Variants in PTPRD observed in about 807,000 individuals in gnomAD.
PTPRD encodes protein tyrosine phosphatase receptor type D.
In PTPRD, 34 loss-of-function variants were observed where a neutral mutation model predicts 214.5. The observed-to-expected ratio is 0.16, with a 90% CI of 0.12 to 0.21. The LOEUF is 0.21. PTPRD is among the 10% of genes least tolerant of loss of function. The pLI is 1.00. For synonymous variants in PTPRD, 1,128 were observed against 845.7 expected, an observed-to-expected ratio of 1.33 and a Z score of -5.79; for missense variants, 2,545 against 2,398.7, an observed-to-expected ratio of 1.06 and a Z score of -1.27.
intron 10 of PTPRD, among the ~76,000 whole-genome samples, chr9:9,129,998 A>C (rs1297890402): frequency 6.6e-6 from 1 of 152,176 alleles, no homozygotes; most frequent in Non-Finnish European, 1.5e-5. Context: ...TATATTAAGC[A>C]CTTAAGAGTG....
chr9:9,288,918 T>C (rs1950316907), intron 9 of PTPRD, among the ~76,000 whole-genome samples: 1 of 151,890 alleles, frequency 6.6e-6, no homozygotes, highest in African/African-American at 2.4e-5. Flanking sequence ...TGCCACTATG[T>C]GAAGAAGCAC....
chr9:9,412,525 C>T (rs1381681683), intron 8 of PTPRD, among the ~76,000 whole-genome samples: 2 of 152,062 alleles, frequency 1.3e-5, no homozygotes, highest in African/African-American at 4.8e-5. Context: ...CTCCCTTTCA[C>T]ATTTCCTACA....
intron 10 of PTPRD, among the ~76,000 whole-genome samples, chr9:9,068,330 A>G (rs1220873604): frequency 6.6e-6 from 1 of 152,200 alleles, no homozygotes; most frequent in Non-Finnish European, 1.5e-5. Flanking sequence ...GGTCTGTGTT[A>G]ACATAGGTTT....
intron 11 of PTPRD, among the ~76,000 whole-genome samples, chr9:8,778,273 T>C (rs79777636): frequency 0.038 from 5,820 of 152,292 alleles, 201 homozygotes; most frequent in African/African-American, 0.088. Flanking sequence ...ATAAAGATTA[T>C]TCCCTTCTTA....
intron 5 of PTPRD, among the ~76,000 whole-genome samples, chr9:9,889,417 G>T (rs111735241): frequency 0.029 from 4,390 of 152,036 alleles, 181 homozygotes; most frequent in African/African-American, 0.095. Context: ...AAATTTAAAA[G>T]TATTTAAATA....
intron 4 of PTPRD, among the ~76,000 whole-genome samples, chr9:10,015,673 T>C (rs1412213000): frequency 1.3e-5 from 2 of 152,038 alleles, no homozygotes; most frequent in African/African-American, 4.8e-5. Flanking sequence ...TTCTGATATA[T>C]TACTAAAAGA....
At chr9:9,421,285 A>G (rs889782915) in intron 8 of PTPRD, among the ~76,000 whole-genome samples, 8 of 5,904 alleles carry the variant, frequency 1.4e-3, no homozygotes, top group African/African-American at 5.4e-3. Context: ...GTCTTTGTGA[A>G]AAAAAAAAAA....
At chr9:10,567,584 G>C (rs905028161) in intron 2 of PTPRD, among the ~76,000 whole-genome samples, 14 of 152,100 alleles carry the variant, frequency 9.2e-5, no homozygotes, top group African/African-American at 3.1e-4. Flanking sequence ...TGATATCCAT[G>C]AGTTGGTCTC....
chr9:9,166,631 G>C (rs2099904713), intron 10 of PTPRD, among the ~76,000 whole-genome samples: 1 of 152,102 alleles, frequency 6.6e-6, no homozygotes, highest in Admixed American at 6.5e-5. Context: ...CCAGTTTCTT[G>C]CTTGTAGACT....
chr9:9,824,890 A>C (rs2052157278), intron 5 of PTPRD, among the ~76,000 whole-genome samples: 1 of 151,998 alleles, frequency 6.6e-6, no homozygotes, highest in Non-Finnish European at 1.5e-5. Flanking sequence ...AAAGGCCCAG[A>C]TAAAACTGTG....
At chr9:8,667,988 T>C (rs896095398) in intron 12 of PTPRD, among the ~76,000 whole-genome samples, 1 of 152,054 alleles carries the variant, frequency 6.6e-6, no homozygotes, top group South Asian at 2.1e-4. Flanking sequence ...AGAAATAAAA[T>C]ATACAGATCA....
intron 2 of PTPRD, among the ~76,000 whole-genome samples, chr9:10,577,785 A>T (rs146901739): frequency 1.1e-3 from 170 of 152,292 alleles, no homozygotes; most frequent in African/African-American, 3.9e-3. Context: ...CATAAAACAC[A>T]TATCACTAAA....
chr9:9,028,774 A>G (rs1371297989), intron 10 of PTPRD, among the ~76,000 whole-genome samples: 1 of 151,966 alleles, frequency 6.6e-6, no homozygotes, highest in Non-Finnish European at 1.5e-5. Flanking sequence ...GGTACAGCTA[A>G]TGCGTCTCAT....
chr9:10,544,399 A>T (rs1044125471), intron 2 of PTPRD, among the ~76,000 whole-genome samples: 11 of 152,160 alleles, frequency 7.2e-5, no homozygotes, highest in Admixed American at 2.0e-4. Flanking sequence ...CTATAATAGA[A>T]TGTCTTTTCA....
At chr9:9,451,688 G>A (rs944830124) in intron 8 of PTPRD, among the ~76,000 whole-genome samples, 2 of 151,528 alleles carry the variant, frequency 1.3e-5, no homozygotes, top group East Asian at 1.9e-4. Flanking sequence ...AAAAGGTTAT[G>A]TTTCAAAAAA....
chr9:10,469,438 A>C (rs1034277584), intron 2 of PTPRD, among the ~76,000 whole-genome samples: 1 of 152,186 alleles, frequency 6.6e-6, no homozygotes, highest in African/African-American at 2.4e-5. Flanking sequence ...TTAGATGAAA[A>C]GATCATTAAA....
chr9:8,596,774 G>A (rs950675645), intron 14 of PTPRD, among the ~76,000 whole-genome samples: 5 of 151,994 alleles, frequency 3.3e-5, no homozygotes, highest in African/African-American at 1.2e-4. Context: ...TCTAAGCTAG[G>A]CAACACAAAG....
At chr9:10,022,410 A>G (rs867330924) in intron 4 of PTPRD, among the ~76,000 whole-genome samples, 161 of 149,280 alleles carry the variant, frequency 1.1e-3, no homozygotes, top group African/African-American at 3.9e-3. Context: ...ACAGTGAGCA[A>G]TGAATAAATG....
intron 5 of PTPRD, among the ~76,000 whole-genome samples, chr9:9,874,373 A>T (rs1244830910): frequency 6.6e-6 from 1 of 152,204 alleles, no homozygotes; most frequent in Admixed American, 6.5e-5. Context: ...CAACTACATT[A>T]CATGAGTGAT....
Sources: gnomAD v4.1 joint callset for allele counts (sites outside exome capture counted in the v4.1 genomes callset) on GRCh38, gnomAD v4.1.1 for gene constraint, MANE v1.5 for transcripts, NCBI Gene and HGNC (gene_info 2026-07-23, HGNC 2026-07-21) for gene names.